The following PPP6R2 variants were observed in gnomAD, a reference collection of about 807,000 sequenced individuals.
PPP6R2 encodes the protein protein phosphatase 6 regulatory subunit 2, also known as serine/threonine-protein phosphatase 6 regulatory subunit 2.
A neutral mutation model predicts 100.2 loss-of-function variants in PPP6R2; 62 were observed. The ratio of observed to expected loss-of-function variants is 0.62; its 90% CI spans 0.50 to 0.76. The LOEUF (loss-of-function observed/expected upper bound fraction) is 0.76. Ranked by LOEUF, PPP6R2 falls within the 30% of genes least tolerant of loss-of-function variation. The pLI, the probability that PPP6R2 is intolerant of heterozygous loss-of-function variation, is 0.00. For synonymous variants in PPP6R2, 525 were observed against 514.7 expected, an observed-to-expected ratio of 1.02 and a Z score of -0.27; for missense variants, 1,142 against 1,276.3, an observed-to-expected ratio of 0.89 and a Z score of 1.60.
rs1603429561 is a variant in PPP6R2 at position 50,444,469 on chromosome 22, G to A, written c.*222G>A. 2.5e-6 allele frequency: 1 copy of A among 401,478 alleles called. No homozygotes were observed. The highest frequency in any genetic ancestry group is 4.3e-6 in the Non-Finnish European group (1 of 232,780). 24.9% of individuals were successfully genotyped at this position (401,478 alleles called of 1,614,324 possible). On this transcript the variant is annotated 3_prime_UTR_variant, in exon 24 of 24. Transcript: ENST00000612753. The stretch of plus-strand genomic sequence containing the variant: ...TCGTGCCCTGCTGGAGGACAGAGGG[G>A]CACCTCAGCCGCCCCCAAGCCCAGA...
At chr22:50,410,666 ATTT>A (rs1191677648) in intron 4 of PPP6R2, among the ~76,000 whole-genome samples, 3 of 150,770 alleles carry the variant, frequency 2.0e-5, no homozygotes, top group Non-Finnish European at 4.4e-5. Flanking sequence ...AGAACCTCTT[ATTT>A]TTTTCAAGCC....
At chr22:50,414,733 G>A (rs1282689479) in intron 5 of PPP6R2, 44 bp downstream of exon 5, 1 of 1,590,554 alleles carries the variant, frequency 6.3e-7, no homozygotes, top group Non-Finnish European at 8.5e-7. Flanking sequence ...CAGGGGTGCT[G>A]CAGGAAGCCA....
At chr22:50,395,776 A>G (rs962434047) in intron 3 of PPP6R2, among the ~76,000 whole-genome samples, 3 of 150,660 alleles carry the variant, frequency 2.0e-5, no homozygotes, top group Non-Finnish European at 1.5e-5. Context: ...CACGTTGCAC[A>G]GGCTGGTTTC....
intron 2 of PPP6R2, among the ~76,000 whole-genome samples, chr22:50,391,455 A>AAT (rs1360078478): frequency 1.3e-5 from 2 of 151,372 alleles, no homozygotes; most frequent in African/African-American, 4.9e-5. Context: ...AAAAAAAAAA[A>AAT]ATGTAAACAT....
In PPP6R2 at chr22:50,351,026, G is replaced by GGTTTTTTTTTTTT. The variant is rs1386357403; in HGVS notation, c.-148+7476_-148+7477insGTTTTTTTTTTTT. On this transcript the variant is annotated intron_variant, in intron 1 of 23. Transcript: ENST00000612753. ...TTTCTGAGCAGTAGGTCTCAACAGT[G>GGTTTTTTTTTTTT]TTTTTTTTTTTTTTTTTTTTTTTTT... Among the ~76,000 whole-genome samples, 2 of 80,748 alleles carry GGTTTTTTTTTTTT rather than the reference G, an allele frequency of 2.5e-5. 1 individual carries two copies. The highest frequency in any genetic ancestry group is 1.0e-4 in the African/African-American group (2 of 19,518). 53.0% of individuals were successfully genotyped at this position (80,748 alleles called of 152,430 possible).
At chr22:50,365,775 G>A (rs1446147094) in intron 1 of PPP6R2, among the ~76,000 whole-genome samples, 1 of 151,320 alleles carries the variant, frequency 6.6e-6, no homozygotes, top group Non-Finnish European at 1.5e-5. Context: ...TGTCACTCAG[G>A]CTGGATTGCA....
chr22:50,380,461 A>G (rs891825651), intron 2 of PPP6R2, among the ~76,000 whole-genome samples: 2 of 151,408 alleles, frequency 1.3e-5, no homozygotes, highest in Non-Finnish European at 2.9e-5. Flanking sequence ...CCCAGATTCA[A>G]GTGATTCTCC....
In PPP6R2 at chr22:50,436,960, C is replaced by A. The variant is rs571486343; in HGVS notation, c.1603-28C>A. The A allele has an allele frequency of 9.7e-5, 150 of 1,539,152 alleles. 2 individuals carry two copies. In the South Asian group the frequency reaches 1.6e-3, roughly 17 times the overall value. ...GTCTGGGGCGCTGGGCTGGCTCACA[C>A]GCCCACCCCATCTGGCCTGTGTTTT... On this transcript the variant is annotated intron_variant, in intron 14 of 23. Coordinates refer to ENST00000612753, the MANE Select transcript of PPP6R2 (RefSeq NM_001242898.2).
chr22:50,421,914 GAA>G, intron 8 of PPP6R2, among the ~76,000 whole-genome samples: 1 of 152,214 alleles, frequency 6.6e-6, no homozygotes, highest in Non-Finnish European at 1.5e-5. Flanking sequence ...CAGGAACAGT[GAA>G]AGAGACAGGG....
At position 50,444,291 on chromosome 22, in the gene PPP6R2, C is replaced by T. The variant is rs761764001; in HGVS notation, c.*44C>T. Reference sequence around the variant, plus strand: ...ACGGCCCACCCTGGTCAGGCTGCCTCCTTAATCGAGAAAACTACCTGGTGA... The same window carrying T: ...ACGGCCCACCCTGGTCAGGCTGCCTTCTTAATCGAGAAAACTACCTGGTGA... On this transcript the variant is annotated 3_prime_UTR_variant, in exon 24 of 24. Coordinates refer to ENST00000612753, the MANE Select transcript of PPP6R2 (RefSeq NM_001242898.2). 14 of 1,589,966 alleles carry T rather than the reference C, an allele frequency of 8.8e-6. No individual in the cohort carries two copies. Among genetic ancestry groups the T allele is most frequent in the Non-Finnish European group, 1.2e-5 (14 of 1,170,422 alleles).
At chr22:50,422,186 C>A in intron 8 of PPP6R2, 68 bp from the exon 9 acceptor site, 1 of 1,566,708 alleles carries the variant, frequency 6.4e-7, no homozygotes, top group Non-Finnish European at 8.7e-7. Flanking sequence ...AGCGGGTGCA[C>A]TGAGTTGCTG....
At chr22:50,430,784 G>T (rs2062978725) in intron 10 of PPP6R2, among the ~76,000 whole-genome samples, 1 of 148,160 alleles carries the variant, frequency 6.7e-6, no homozygotes, top group African/African-American at 2.5e-5. Context: ...TGAGGCAGGA[G>T]AATCACTTGA....
intron 17 of PPP6R2, 68 bp from the exon 18 acceptor site, chr22:50,438,106 C>T: frequency 6.4e-7 from 1 of 1,564,738 alleles, no homozygotes; most frequent in Non-Finnish European, 8.6e-7. Context: ...TCTGGGAGCT[C>T]TATGGGGAGA....
Position 50,424,385 on chromosome 22 carries a change from CGTGTGGAAGGTCCGTCAGT to C in PPP6R2, c.1125+788_1125+806del, listed in dbSNP as rs1375331112. On this transcript the variant is annotated intron_variant, in intron 10 of 23. Transcript: ENST00000612753. ...CGTCCGCGTGTGGAAGGTCCGTCCG[CGTGTGGAAGGTCCGTCAGT>C]GTGTGGAAGGTCCGTCCGCGTGTGG... is the stretch of plus-strand genomic sequence containing the variant. Among the ~76,000 whole-genome samples the C allele has an allele frequency of 2.1e-3, 311 of 145,152 alleles. 1 individual carries two copies. Among genetic ancestry groups the C allele is most frequent in the African/African-American group, 7.4e-3 (291 of 39,390 alleles).
chr22:50,408,459 G>C (rs1313678109), intron 4 of PPP6R2, among the ~76,000 whole-genome samples: 1 of 152,158 alleles, frequency 6.6e-6, no homozygotes, highest in Non-Finnish European at 1.5e-5. Context: ...CCAGGGGACT[G>C]CCTCACCTCA....
rs777211160 is a variant in PPP6R2, at chr22:50,435,125, G to A, written c.1516+44G>A. The stretch of plus-strand genomic sequence containing the variant: ...CATCCTTCTGCTGGTCGCGGGCACC[G>A]GGACCCCGAAGGAGCTGCCGCCTGA... On this transcript the variant is annotated intron_variant, in intron 13 of 23. Coordinates refer to ENST00000612753, the MANE Select transcript of PPP6R2 (RefSeq NM_001242898.2). 1.0e-5 allele frequency: 15 copies of A among 1,439,722 alleles called. 1 individual carries two copies. The highest frequency in any genetic ancestry group is 1.0e-4 in the Admixed American group (4 of 38,994). The allele number at this position is 1,439,722 out of a possible 1,614,324, so 89.2% of individuals were successfully genotyped here.
intron 3 of PPP6R2, among the ~76,000 whole-genome samples, chr22:50,394,705 G>A (rs2056390213): frequency 6.6e-6 from 1 of 151,090 alleles, no homozygotes; most frequent in African/African-American, 2.4e-5. Flanking sequence ...AGGAGATTGA[G>A]ACCATCCTGG....
chr22:50,356,651 G>A (rs946315623), intron 1 of PPP6R2, among the ~76,000 whole-genome samples: 5 of 152,102 alleles, frequency 3.3e-5, no homozygotes, highest in South Asian at 4.2e-4. Context: ...GCCAGTTTTC[G>A]GCCGGTTGTG....
intron 2 of PPP6R2, chr22:50,393,341 A>C: frequency 1.0e-5 from 10 of 968,596 alleles, no homozygotes; most frequent in Non-Finnish European, 1.2e-5. Context: ...AGGGTCAGGC[A>C]GCATCAGCTG....
Sources: gnomAD v4.1 joint callset for allele counts (sites outside exome capture counted in the v4.1 genomes callset) on GRCh38, gnomAD v4.1.1 for gene constraint, MANE v1.5 for transcripts, NCBI Gene and HGNC (gene_info 2026-07-23, HGNC 2026-07-21) for gene names.